PARD3: variants seen among roughly 807,000 people sequenced by gnomAD.
PARD3 encodes the protein par-3 family cell polarity regulator.
A neutral mutation model predicts 155.4 loss-of-function variants in PARD3; 75 were observed. That is an observed-to-expected ratio of 0.48 (90% confidence interval 0.40 to 0.58). PARD3 has a LOEUF of 0.58. PARD3 is among the 20% of genes least tolerant of loss of function. The pLI, the probability that PARD3 is intolerant of heterozygous loss-of-function variation, is 0.00. For missense variants in PARD3, 1,642 were observed against 1,721.7 expected, an observed-to-expected ratio of 0.95 and a Z score of 0.82; for synonymous variants, 576 against 610.5, an observed-to-expected ratio of 0.94 and a Z score of 0.83.
chr10:34,776,660 A>C (rs1291457886), intron 1 of PARD3, among the ~76,000 whole-genome samples: 1 of 151,924 alleles, frequency 6.6e-6, no homozygotes, highest in Non-Finnish European at 1.5e-5. Context: ...TTAACTAATC[A>C]TATGTTCTCT....
At chr10:34,325,059 G>T (rs1178518900) in intron 19 of PARD3, among the ~76,000 whole-genome samples, 1 of 152,092 alleles carries the variant, frequency 6.6e-6, no homozygotes, top group East Asian at 1.9e-4. Flanking sequence ...GCCCAAGCTG[G>T]AGTGTAGTGG....
chr10:34,531,813 G>A (rs374145292), intron 2 of PARD3, among the ~76,000 whole-genome samples: 4 of 152,126 alleles, frequency 2.6e-5, no homozygotes, highest in African/African-American at 9.7e-5. Flanking sequence ...GTCCCTTGGC[G>A]TTATTCAAGG....
At chr10:34,586,218 C>T (rs1325476471) in intron 2 of PARD3, among the ~76,000 whole-genome samples, 7 of 152,000 alleles carry the variant, frequency 4.6e-5, no homozygotes, top group South Asian at 4.1e-4. Context: ...AAAGAAGTAA[C>T]GACCCTATGG....
At chr10:34,709,061 G>A (rs2094411722) in intron 1 of PARD3, among the ~76,000 whole-genome samples, 1 of 151,920 alleles carries the variant, frequency 6.6e-6, no homozygotes, top group South Asian at 2.1e-4. Flanking sequence ...TAAACATACA[G>A]GTGAGAACCC....
Position 34,384,229 on chromosome 10 carries a change from A to G in PARD3, c.916T>C (p.Leu306=), listed in dbSNP as rs747726827. ...TGTTCAGCTTTACCACCTTTCTCCA[A>G]TCGTTTTACTAATAACCCCAGGGTT... ...GRTLGLLVKR[L]EKGGKAEHEN... The change falls in exon 8 of 25, where the codon TTG becomes CTG. Residue 306 remains leucine (L), a synonymous_variant. Coordinates refer to ENST00000374788, the MANE Select transcript of PARD3 (RefSeq NM_001184785.2). 8.1e-6 allele frequency: 13 copies of G among 1,613,546 alleles called. No homozygotes were observed. Among genetic ancestry groups the G allele is most frequent in the Non-Finnish European group, 1.1e-5 (13 of 1,179,822 alleles).
chr10:34,666,226 A>C (rs1441404599), intron 2 of PARD3, among the ~76,000 whole-genome samples: 1 of 48,026 alleles, frequency 2.1e-5, no homozygotes, highest in African/African-American at 9.1e-5. Context: ...TCAAAAAAAA[A>C]AAAGCCAATT....
At position 34,170,697 on chromosome 10, in the gene PARD3, A is replaced by G. The variant is rs535925422; in HGVS notation, c.3420-39114T>C. Among the ~76,000 whole-genome samples the G allele has an allele frequency of 2.0e-5, 3 of 152,302 alleles. No individual in the cohort carries two copies. In the South Asian group the frequency reaches 6.2e-4, roughly 32 times the overall value. ...GGGGAGAAAAGCCATCTTTCTAGAT[A>G]AAGGGCATGGCATGATTAAAGACAT... is the stretch of plus-strand genomic sequence containing the variant. On this transcript the variant is annotated intron_variant, in intron 22 of 24. Coordinates refer to ENST00000374788, the MANE Select transcript of PARD3 (RefSeq NM_001184785.2).
chr10:34,779,289 G>C lies in PARD3; in HGVS notation c.120+35587C>G, dbSNP rs1410671137. Among the ~76,000 whole-genome samples, 15 of 143,126 alleles carry C rather than the reference G, an allele frequency of 1.0e-4. No individual in the cohort carries two copies. In the South Asian group the frequency reaches 1.1e-3, roughly 11 times the overall value. The allele number at this position is 143,126 out of a possible 152,430, so 93.9% of individuals were successfully genotyped here. A position where few individuals can be genotyped will look rare whatever the true frequency, so the allele number is the denominator to read the frequency against. ...CCACTGCACTCCAGCCTGGGTGAAAGAGCTAGACTCCATCTCAAAAAATAA... is the reference window on the plus strand; with the variant it reads ...CCACTGCACTCCAGCCTGGGTGAAACAGCTAGACTCCATCTCAAAAAATAA... On this transcript the variant is annotated intron_variant, in intron 1 of 24. Coordinates refer to ENST00000374788, the MANE Select transcript of PARD3 (RefSeq NM_001184785.2).
intron 12 of PARD3, among the ~76,000 whole-genome samples, chr10:34,369,843 TAATC>T (rs1840402696): frequency 6.6e-6 from 1 of 152,102 alleles, no homozygotes; most frequent in Non-Finnish European, 1.5e-5. Flanking sequence ...ACAAAATAGA[TAATC>T]AAAGATTTCA....
chr10:34,367,548 A>C (rs1339509533), intron 12 of PARD3, among the ~76,000 whole-genome samples: 2 of 152,132 alleles, frequency 1.3e-5, no homozygotes, highest in Non-Finnish European at 2.9e-5. Flanking sequence ...TACTAAAAAT[A>C]CAAAAATTAG....
chr10:34,609,530 G>C (rs941898388), intron 2 of PARD3, among the ~76,000 whole-genome samples: 4 of 152,114 alleles, frequency 2.6e-5, no homozygotes, highest in Non-Finnish European at 4.4e-5. Flanking sequence ...TCGAGGTCTT[G>C]AGTACTTACT....
intron 23 of PARD3, among the ~76,000 whole-genome samples, chr10:34,122,508 A>G (rs562854847): frequency 6.6e-6 from 1 of 152,374 alleles, no homozygotes; most frequent in African/African-American, 2.4e-5. Flanking sequence ...GTTTGGGATC[A>G]GCAAACTGAC....
chr10:34,601,988 C>T (rs2089821467), intron 2 of PARD3, among the ~76,000 whole-genome samples: 1 of 152,040 alleles, frequency 6.6e-6, no homozygotes, highest in Non-Finnish European at 1.5e-5. Context: ...TTCCTAATTA[C>T]TTGTATAGAG....
chr10:34,665,240 C>T (rs1404300072), intron 2 of PARD3, among the ~76,000 whole-genome samples: 4 of 151,866 alleles, frequency 2.6e-5, no homozygotes, highest in East Asian at 3.9e-4. Context: ...TAAGGCTGGG[C>T]GCACCTCATG....
intron 2 of PARD3, among the ~76,000 whole-genome samples, chr10:34,669,752 C>T (rs997539209): frequency 7.2e-5 from 11 of 152,082 alleles, no homozygotes; most frequent in Non-Finnish European, 1.2e-4. Flanking sequence ...ACTTGATGTT[C>T]TGAGTATCTG....
At chr10:34,182,572 G>A (rs1049933183) in intron 22 of PARD3, among the ~76,000 whole-genome samples, 5 of 152,006 alleles carry the variant, frequency 3.3e-5, no homozygotes, top group South Asian at 4.2e-4. Context: ...AATCAATTTC[G>A]GAAAACACCT....
intron 2 of PARD3, among the ~76,000 whole-genome samples, chr10:34,539,648 G>A (rs185286927): frequency 2.6e-4 from 39 of 152,326 alleles, no homozygotes; most frequent in African/African-American, 8.7e-4. Flanking sequence ...GTGACACAGC[G>A]AGACTCCGTC....
At chr10:34,257,059 G>T (rs2133778715) in intron 22 of PARD3, among the ~76,000 whole-genome samples, 1 of 152,076 alleles carries the variant, frequency 6.6e-6, no homozygotes, top group East Asian at 1.9e-4. Context: ...TCAACCAATT[G>T]GGGAAAAAAT....
At chr10:34,278,302 C>A (rs1421076095) in intron 21 of PARD3, among the ~76,000 whole-genome samples, 1 of 152,176 alleles carries the variant, frequency 6.6e-6, no homozygotes, top group Admixed American at 6.5e-5. Flanking sequence ...ACCACCTCAG[C>A]CTTCTGAGCA....
Sources: allele counts gnomAD v4.1 joint callset (sites outside exome capture counted in the v4.1 genomes callset), GRCh38; gene constraint gnomAD v4.1.1; transcripts MANE v1.5; gene names NCBI Gene and HGNC (gene_info 2026-07-23, HGNC 2026-07-21).